TPX2: variants seen among roughly 807,000 people sequenced by gnomAD.
The protein encoded by TPX2 is targeting protein for Xklp2.
TPX2 carries 21 observed loss-of-function variants against 93.6 expected under a neutral mutation model. The observed-to-expected ratio is 0.22, with a 90% CI of 0.16 to 0.32. The LOEUF is 0.32. Ranked by LOEUF, TPX2 falls within the 10% of genes least tolerant of loss-of-function variation. TPX2 has a pLI of 1.00. For synonymous variants in TPX2, 281 were observed against 298.3 expected, an observed-to-expected ratio of 0.94 and a Z score of 0.60; for missense variants, 776 against 871.1, an observed-to-expected ratio of 0.89 and a Z score of 1.37.
At chr20:31,800,580 T>C (rs1267280753) in intron 17 of TPX2, among the ~76,000 whole-genome samples, 1 of 152,244 alleles carries the variant, frequency 6.6e-6, no homozygotes, top group African/African-American at 2.4e-5. Flanking sequence ...TGAATATTTA[T>C]AGTCAGTAAA....
intron 12 of TPX2, among the ~76,000 whole-genome samples, chr20:31,785,345 G>A (rs1192075519): frequency 6.6e-6 from 1 of 152,170 alleles, no homozygotes; most frequent in African/African-American, 2.4e-5. Context: ...AATACAACAA[G>A]GGAAAAGTAG....
chr20:31,774,866 A>G (rs920267835), intron 7 of TPX2, among the ~76,000 whole-genome samples: 3 of 152,126 alleles, frequency 2.0e-5, no homozygotes, highest in Admixed American at 1.3e-4. Context: ...CAGCCTTCCA[A>G]GTAGCTGGGA....
At chr20:31,744,322 C>T (rs1255716340) in intron 2 of TPX2, among the ~76,000 whole-genome samples, 5 of 151,462 alleles carry the variant, frequency 3.3e-5, no homozygotes, top group African/African-American at 1.2e-4. Context: ...GCAACCACAC[C>T]CGGCTATTTT....
Position 31,788,417 on chromosome 20 carries a change from CAA to C in TPX2, c.1414-4297_1414-4296del, listed in dbSNP as rs11356550. On this transcript the variant is annotated intron_variant, in intron 12 of 17. Coordinates refer to ENST00000300403, the MANE Select transcript of TPX2 (RefSeq NM_012112.5). Reference sequence around the variant, plus strand: ...TGGGCAACAGAGCGAGACTCTGTCTCAAAAAAAAAAAAAAAAAAAAAAGTCTT... The same window carrying C: ...TGGGCAACAGAGCGAGACTCTGTCTCAAAAAAAAAAAAAAAAAAAAGTCTT... Among the ~76,000 whole-genome samples the C allele has an allele frequency of 6.9e-3, 474 of 68,668 alleles. 2 individuals are homozygous for C. Among genetic ancestry groups the C allele is most frequent in the African/African-American group, 0.02 (399 of 19,774 alleles). 45.0% of individuals were successfully genotyped at this position (68,668 alleles called of 152,430 possible).
At chr20:31,794,755 A>AGTGTGTGTGTGTGT (rs35018680) in intron 15 of TPX2, among the ~76,000 whole-genome samples, 72 of 145,488 alleles carry the variant, frequency 4.9e-4, no homozygotes, top group African/African-American at 1.7e-3. Context: ...TCTGTCGCAT[A>AGTGTGTGTGTGTGT]GTGTGTGTGT....
At chr20:31,755,479 T>C (rs1213594076) in intron 2 of TPX2, among the ~76,000 whole-genome samples, 1 of 151,930 alleles carries the variant, frequency 6.6e-6, no homozygotes, top group Non-Finnish European at 1.5e-5. Context: ...TGTCGTTCCC[T>C]GGATAAAAAC....
At chr20:31,778,317 T>C (rs547392621) in intron 9 of TPX2, among the ~76,000 whole-genome samples, 27 of 152,320 alleles carry the variant, frequency 1.8e-4, no homozygotes, top group Non-Finnish European at 3.1e-4. Flanking sequence ...TTGCTTCCAA[T>C]TAGAGACCAG....
intron 2 of TPX2, among the ~76,000 whole-genome samples, chr20:31,751,631 C>T (rs2061820302): frequency 6.6e-6 from 1 of 152,112 alleles, no homozygotes; most frequent in South Asian, 2.1e-4. Context: ...AGTGACTTGC[C>T]TATTGTCATA....
chr20:31,778,684 A>G (rs1485064170), intron 9 of TPX2, 129 bp from the exon 10 acceptor site: 2 of 839,724 alleles, frequency 2.4e-6, no homozygotes, highest in Non-Finnish European at 3.6e-6. Flanking sequence ...AGGACTGACA[A>G]ACTTCAGAAT....
chr20:31,750,421 TG>T (rs1169984534), intron 2 of TPX2, among the ~76,000 whole-genome samples: 1 of 152,090 alleles, frequency 6.6e-6, no homozygotes, highest in Admixed American at 6.6e-5. Context: ...CCCAAAGTGC[TG>T]GGATTACAGG....
intron 4 of TPX2, among the ~76,000 whole-genome samples, chr20:31,764,723 G>A (rs540017994): frequency 6.6e-6 from 1 of 152,120 alleles, no homozygotes; most frequent in South Asian, 2.1e-4. Flanking sequence ...CTATTATTTT[G>A]TGTGTGCGTG....
At chr20:31,766,990 T>C (rs533383283) in intron 5 of TPX2, among the ~76,000 whole-genome samples, 1 of 151,916 alleles carries the variant, frequency 6.6e-6, no homozygotes, top group African/African-American at 2.4e-5. Flanking sequence ...TTAGTAGAGA[T>C]AGGGTTTTGC....
rs542885090 is a variant in TPX2 at position 31,801,541 on chromosome 20, G to A, written c.*461G>A. The A allele has an allele frequency of 6.5e-6, 1 of 153,910 alleles. No homozygotes were observed. Among genetic ancestry groups the A allele is most frequent in the Admixed American group, 6.4e-5 (1 of 15,548 alleles). The allele number at this position is 153,910 out of a possible 1,614,324, so 9.5% of individuals were successfully genotyped here. ...TAAATGAGGAACAATCAGTAAATCA[G>A]ATTCTGTCCTCTTCTCTGCATACCG... On this transcript the variant is annotated 3_prime_UTR_variant, in exon 18 of 18. Transcript: ENST00000300403.
intron 2 of TPX2, among the ~76,000 whole-genome samples, chr20:31,754,051 C>CA (rs918867918): frequency 3.3e-4 from 50 of 151,960 alleles, no homozygotes; most frequent in African/African-American, 1.0e-3. Context: ...AAAACAACAA[C>CA]AATAACAGAT....
intron 4 of TPX2, among the ~76,000 whole-genome samples, chr20:31,761,442 C>T (rs181660915): frequency 2.0e-5 from 3 of 152,086 alleles, no homozygotes; most frequent in African/African-American, 4.8e-5. Context: ...CCTTGTGATC[C>T]GCCCACCTCG....
chr20:31,782,526 C>T (rs1267525984), intron 11 of TPX2, 136 bp downstream of exon 11: 109 of 1,103,740 alleles, frequency 9.9e-5, no homozygotes, highest in Non-Finnish European at 1.1e-4. Flanking sequence ...CTGCAGGCTA[C>T]GCCCCTGCCT....
intron 2 of TPX2, among the ~76,000 whole-genome samples, chr20:31,746,271 G>A (rs780684771): frequency 2.6e-5 from 4 of 152,182 alleles, no homozygotes; most frequent in Non-Finnish European, 4.4e-5. Flanking sequence ...TTGATTAACA[G>A]TTAAAATTGC....
intron 2 of TPX2, among the ~76,000 whole-genome samples, chr20:31,744,811 C>T (rs78881751): frequency 0.18 from 26,629 of 152,098 alleles, 2,762 homozygotes; most frequent in Non-Finnish European, 0.22. Flanking sequence ...TTTGGCCGGG[C>T]GCGGTGGCTC....
chr20:31,756,009 G>T (rs569844598), intron 2 of TPX2, among the ~76,000 whole-genome samples: 88 of 152,312 alleles, frequency 5.8e-4, no homozygotes, highest in African/African-American at 1.8e-3. Flanking sequence ...GCTGCATGTT[G>T]TGACTCTTAC....
Sources: gnomAD v4.1 joint callset for allele counts (sites outside exome capture counted in the v4.1 genomes callset) on GRCh38, gnomAD v4.1.1 for gene constraint, MANE v1.5 for transcripts, NCBI Gene and HGNC (gene_info 2026-07-23, HGNC 2026-07-21) for gene names.